PXYLP1: variants seen among roughly 807,000 people sequenced by gnomAD.
PXYLP1 encodes 2-phosphoxylose phosphatase 1.
A neutral mutation model predicts 37.9 loss-of-function variants in PXYLP1; 17 were observed. That is an observed-to-expected ratio of 0.45 (90% CI 0.31 to 0.67). The LOEUF (loss-of-function observed/expected upper bound fraction) is 0.67. PXYLP1 is among the 30% of genes least tolerant of loss of function. PXYLP1 has a pLI of 0.07. For missense variants in PXYLP1, 511 were observed against 612.0 expected, an observed-to-expected ratio of 0.84 and a Z score of 1.74; for synonymous variants, 221 against 232.2, an observed-to-expected ratio of 0.95 and a Z score of 0.44.
chr3:141,269,702 G>A (rs940642057), intron 2 of PXYLP1, among the ~76,000 whole-genome samples: 7 of 152,196 alleles, frequency 4.6e-5, no homozygotes, highest in Admixed American at 6.5e-5. Flanking sequence ...AAAGATGAGG[G>A]TCATAACCTT....
chr3:141,271,274 A>G (rs1941656230), intron 2 of PXYLP1, among the ~76,000 whole-genome samples: 1 of 152,162 alleles, frequency 6.6e-6, no homozygotes, highest in Non-Finnish European at 1.5e-5. Context: ...TTGTAATACT[A>G]TAGCTCATTT....
rs114954256 is a variant in PXYLP1, at chr3:141,257,253, C to T, written c.-53-2870C>T. Among the ~76,000 whole-genome samples, 598 of 152,324 alleles carry T rather than the reference C, an allele frequency of 3.9e-3. 2 individuals are homozygous for T. Among genetic ancestry groups the T allele is most frequent in the African/African-American group, 0.013 (526 of 41,568 alleles). Reference sequence around the variant, plus strand: ...TTCAAGGGAGCCTCAGCAGGGACTGCTTACCTTGGCTCCATGTGGTCTCTC... The same window carrying T: ...TTCAAGGGAGCCTCAGCAGGGACTGTTTACCTTGGCTCCATGTGGTCTCTC... On this transcript the variant is annotated intron_variant, in intron 1 of 5. Coordinates refer to ENST00000286353, the MANE Select transcript of PXYLP1 (RefSeq NM_001037172.3).
chr3:141,236,973 C>A (rs2107862857), intron 1 of PXYLP1, among the ~76,000 whole-genome samples: 1 of 152,166 alleles, frequency 6.6e-6, no homozygotes, highest in Middle Eastern at 3.4e-3. Context: ...TAGGATCATG[C>A]ATTATGTTTA....
intron 2 of PXYLP1, among the ~76,000 whole-genome samples, chr3:141,266,604 C>T (rs1347363249): frequency 1.4e-5 from 2 of 148,014 alleles, no homozygotes; most frequent in East Asian, 4.0e-4. Flanking sequence ...CTGAGGAGGC[C>T]CCACTTAGCC....
intron 1 of PXYLP1, chr3:141,234,107 C>G (rs1940601387): frequency 6.6e-6 from 1 of 151,934 alleles, no homozygotes; most frequent in South Asian, 2.1e-4. Flanking sequence ...CCAATGTTTT[C>G]TACACTTTGC....
chr3:141,265,743 G>A (rs759384535), intron 2 of PXYLP1, among the ~76,000 whole-genome samples: 10 of 152,146 alleles, frequency 6.6e-5, no homozygotes, highest in Non-Finnish European at 1.2e-4. Flanking sequence ...ATTCATTCAC[G>A]TAAATGACTC....
At chr3:141,281,548 G>A (rs1393634771) in intron 4 of PXYLP1, among the ~76,000 whole-genome samples, 1 of 152,212 alleles carries the variant, frequency 6.6e-6, no homozygotes, top group East Asian at 1.9e-4. Flanking sequence ...ATTAGAGAAA[G>A]AAGAGGAAGA....
chr3:141,278,964 T>C (rs76979829), intron 3 of PXYLP1, among the ~76,000 whole-genome samples: 5,768 of 152,332 alleles, frequency 0.038, 174 homozygotes, highest in East Asian at 0.12. Flanking sequence ...TATCAGAGCA[T>C]AGTGTTGAAT....
intron 1 of PXYLP1, among the ~76,000 whole-genome samples, chr3:141,259,490 A>G (rs1187515444): frequency 1.3e-5 from 2 of 152,134 alleles, no homozygotes; most frequent in South Asian, 2.1e-4. Flanking sequence ...GGAATTTTGA[A>G]TAGGCAGGAC....
At chr3:141,240,786 C>G (rs1940778317) in intron 1 of PXYLP1, among the ~76,000 whole-genome samples, 3 of 152,198 alleles carry the variant, frequency 2.0e-5, no homozygotes, top group Admixed American at 2.0e-4. Flanking sequence ...TCTTCATCCC[C>G]AGGAGATCAT....
At chr3:141,243,493 G>A (rs757868179) in intron 1 of PXYLP1, among the ~76,000 whole-genome samples, 1 of 152,226 alleles carries the variant, frequency 6.6e-6, no homozygotes, top group Non-Finnish European at 1.5e-5. Context: ...CGGTGACATA[G>A]GGGTGGGCTT....
chr3:141,282,989 A>G (rs991855596), intron 4 of PXYLP1, among the ~76,000 whole-genome samples: 4 of 151,126 alleles, frequency 2.6e-5, no homozygotes, highest in African/African-American at 9.8e-5. Flanking sequence ...TTTTTTTGAG[A>G]CAGAGTCTCG....
chr3:141,285,001 C>T (rs1244117729), intron 4 of PXYLP1, among the ~76,000 whole-genome samples: 1 of 152,180 alleles, frequency 6.6e-6, no homozygotes, highest in Non-Finnish European at 1.5e-5. Context: ...TAAGCACCCT[C>T]TGGGCTCCAG....
At chr3:141,232,355 A>G (rs1015091209) in intron 1 of PXYLP1, 1 of 138,700 alleles carries the variant, frequency 7.2e-6, no homozygotes, top group Admixed American at 7.0e-5. Context: ...CGGCCCCCGC[A>G]CTCCCGCCGC....
chr3:141,285,151 T>TTTC (rs1942044952), intron 4 of PXYLP1, among the ~76,000 whole-genome samples: 1 of 140,886 alleles, frequency 7.1e-6, no homozygotes, highest in East Asian at 2.0e-4. Context: ...TTTCTTTTTT[T>TTTC]TTTTTTTTTT....
chr3:141,253,905 AAT>A (rs1941200657), intron 1 of PXYLP1, among the ~76,000 whole-genome samples: 1 of 148,042 alleles, frequency 6.8e-6, no homozygotes, highest in African/African-American at 2.5e-5. Flanking sequence ...ATAAATTATG[AAT>A]ATATATATAA....
intron 2 of PXYLP1, chr3:141,262,497 C>G (rs1941414501): frequency 2.7e-6 from 2 of 738,876 alleles, no homozygotes; most frequent in East Asian, 6.2e-5. Context: ...TGTGGCATTT[C>G]TCTTGCATGA....
At chr3:141,245,045 C>CTTTTTTTTTT (rs10546747) in intron 1 of PXYLP1, among the ~76,000 whole-genome samples, 2 of 106,164 alleles carry the variant, frequency 1.9e-5, no homozygotes, top group Non-Finnish European at 3.7e-5. Flanking sequence ...CACTAACTCC[C>CTTTTTTTTTT]TTTTTTTTTT....
At chr3:141,287,280 C>T in intron 4 of PXYLP1, 34 bp from the exon 5 acceptor site, 3 of 1,608,586 alleles carry the variant, frequency 1.9e-6, no homozygotes, top group South Asian at 1.1e-5. Flanking sequence ...TTGTGGAGCA[C>T]TCTGACCTCT....
Sources: allele counts gnomAD v4.1 joint callset (sites outside exome capture counted in the v4.1 genomes callset), GRCh38; gene constraint gnomAD v4.1.1; transcripts MANE v1.5; gene names NCBI Gene and HGNC (gene_info 2026-07-23, HGNC 2026-07-21).